Variants in ZNF512 observed in about 807,000 individuals in gnomAD.
The protein encoded by ZNF512 is zinc finger protein 512.
A neutral mutation model predicts 77.5 loss-of-function variants in ZNF512; 25 were observed. The observed-to-expected ratio is 0.32, with a 90% CI of 0.23 to 0.45. The LOEUF is 0.45. Ranked by LOEUF, ZNF512 falls within the 20% of genes least tolerant of loss-of-function variation. ZNF512 has a pLI of 1.00. For synonymous variants in ZNF512, 246 were observed against 239.9 expected (o/e 1.03, Z -0.24); for missense variants, 483 against 692.6 (o/e 0.70, Z 3.40).
intron 2 of ZNF512, among the ~76,000 whole-genome samples, chr2:27,596,752 CAT>C (rs1423586769): frequency 6.6e-6 from 1 of 152,180 alleles, no homozygotes; most frequent in Non-Finnish European, 1.5e-5. Flanking sequence ...TATTGGACCT[CAT>C]GTGTGGAGAG....
In ZNF512 at chr2:27,610,544, G is replaced by GTATATATATATA. The variant is rs1247718248; in HGVS notation, c.1131+2519_1131+2530dup. On this transcript the variant is annotated intron_variant, in intron 10 of 13. Coordinates refer to ENST00000355467, the MANE Select transcript of ZNF512 (RefSeq NM_032434.4). ...TATGTGTGTGTATATATATGTGTGT[G>GTATATATATATA]TATATATATATATATATATATATAT... Among the ~76,000 whole-genome samples the GTATATATATATA allele has an allele frequency of 1.0e-3, 33 of 32,658 alleles. 1 individual carries two copies. Among genetic ancestry groups the GTATATATATATA allele is most frequent in the East Asian group, 9.6e-3 (6 of 628 alleles). The allele number at this position is 32,658 out of a possible 152,430, so 21.4% of individuals were successfully genotyped here. A position where few individuals can be genotyped will look rare whatever the true frequency, so the allele number is the denominator to read the frequency against.
intron 9 of ZNF512, among the ~76,000 whole-genome samples, chr2:27,605,685 A>C (rs1672324726): frequency 6.6e-6 from 1 of 152,054 alleles, no homozygotes; most frequent in Non-Finnish European, 1.5e-5. Context: ...CATGTTGGCC[A>C]GGCTGATCTT....
chr2:27,600,463 C>T (rs1672070171), intron 5 of ZNF512, among the ~76,000 whole-genome samples: 1 of 152,148 alleles, frequency 6.6e-6, no homozygotes, highest in African/African-American at 2.4e-5. Context: ...GCTTTGGAGC[C>T]GTTCTCAGGT....
chr2:27,611,943 C>G (rs538392246), intron 10 of ZNF512, among the ~76,000 whole-genome samples: 4 of 152,138 alleles, frequency 2.6e-5, no homozygotes, highest in African/African-American at 7.2e-5. Context: ...TGATCCACCC[C>G]CTAGAGTGCT....
Position 27,615,264 on chromosome 2 carries a change from A to T in ZNF512, c.1228A>T (p.Asn410Tyr). The T allele has an allele frequency of 6.3e-7, 1 of 1,583,566 alleles. No individual in the cohort carries two copies. The change falls in exon 11 of 14, where the codon AAC becomes TAC. Residue 410 changes from asparagine (N) to tyrosine (Y), a missense_variant. Asn to Tyr is a moderately radical substitution (Grantham distance 143). Coordinates refer to ENST00000355467, the MANE Select transcript of ZNF512 (RefSeq NM_032434.4). ...IKKYHRIQCP[N>Y]QGCEAVYSSV... is the part of the protein sequence containing the mutation. ...GAAATATCATCGTATTCAGTGTCCT[A>T]ACCAGGTGGTTCTTTCTCATTCATT... is the stretch of plus-strand genomic sequence containing the variant.
intron 10 of ZNF512, among the ~76,000 whole-genome samples, chr2:27,608,302 T>C (rs1334578261): frequency 6.6e-6 from 1 of 152,212 alleles, no homozygotes; most frequent in Non-Finnish European, 1.5e-5. Context: ...GATTAGATAT[T>C]TGTGTAATGT....
In ZNF512 at chr2:27,600,743, C is replaced by T. The variant is rs529026548; in HGVS notation, c.510C>T (p.Ser170=). The T allele has an allele frequency of 6.2e-7, 1 of 1,614,010 alleles. No homozygotes were observed. Among genetic ancestry groups the T allele is most frequent in the Admixed American group, 1.7e-5 (1 of 60,006 alleles). Residue 170 remains serine, a synonymous_variant, in exon 6 of 14, where the codon TCC becomes TCT. Coordinates refer to ENST00000355467, the MANE Select transcript of ZNF512 (RefSeq NM_032434.4). Reference sequence around the variant, plus strand: ...AAATCGTTGATAAAGGCAGTGTCTCCTGCCCTACCTGCCAGGCAGTGGGGA... The same window carrying T: ...AAATCGTTGATAAAGGCAGTGTCTCTTGCCCTACCTGCCAGGCAGTGGGGA... ...YLEIVDKGSV[S]CPTCQAVGRK...
At chr2:27,605,265 C>T (rs1299812654) in intron 9 of ZNF512, among the ~76,000 whole-genome samples, 1 of 151,938 alleles carries the variant, frequency 6.6e-6, no homozygotes, top group Non-Finnish European at 1.5e-5. Context: ...ACCAGCTGGG[C>T]AACATGGTGA....
At chr2:27,616,602 A>C (rs1206139279) in intron 12 of ZNF512, among the ~76,000 whole-genome samples, 2 of 152,204 alleles carry the variant, frequency 1.3e-5, no homozygotes, top group Admixed American at 6.5e-5. Flanking sequence ...CTGAATTCTA[A>C]GAGATTCAGC....
At chr2:27,591,867 G>T (rs1263555205) in intron 2 of ZNF512, among the ~76,000 whole-genome samples, 1 of 152,178 alleles carries the variant, frequency 6.6e-6, no homozygotes, top group African/African-American at 2.4e-5. Context: ...CTGCCTTGTG[G>T]CATTCTTGGT....
intron 9 of ZNF512, among the ~76,000 whole-genome samples, chr2:27,606,919 C>G (rs1281764370): frequency 6.6e-6 from 1 of 152,046 alleles, no homozygotes; most frequent in Non-Finnish European, 1.5e-5. Context: ...TGCAGGAGTT[C>G]CTTTCCTTAT....
At position 27,592,464 on chromosome 2, in the gene ZNF512, C is replaced by T. The variant is rs148841988; in HGVS notation, c.90-5603C>T. On this transcript the variant is annotated intron_variant, in intron 2 of 13. Coordinates refer to ENST00000355467, the MANE Select transcript of ZNF512 (RefSeq NM_032434.4). ...CCAAGTAGCTGGGACTACAGGCACC[C>T]GCTACCACACCCAGCTAATTTTTGT... Among the ~76,000 whole-genome samples, 1,481 of 151,526 alleles carry T rather than the reference C, an allele frequency of 9.8e-3. 24 individuals carry two copies. Among genetic ancestry groups the T allele is most frequent in the African/African-American group, 0.033 (1,360 of 41,324 alleles).
rs111282222 is a variant in ZNF512 at position 27,598,434 on chromosome 2, C to T, written c.277+180C>T. Among the ~76,000 whole-genome samples the T allele has an allele frequency of 6.1e-3, 932 of 152,184 alleles. 6 individuals are homozygous for T. The highest frequency in any genetic ancestry group is 0.021 in the African/African-American group (889 of 41,536). ...CACAAGGTCAGGAGATCGAGACCAT[C>T]CTGGCTAACATGGTGAAACCCCGTC... On this transcript the variant is annotated intron_variant, in intron 3 of 13. Coordinates refer to ENST00000355467, the MANE Select transcript of ZNF512 (RefSeq NM_032434.4).
At chr2:27,611,463 C>T (rs1672660233) in intron 10 of ZNF512, among the ~76,000 whole-genome samples, 1 of 152,054 alleles carries the variant, frequency 6.6e-6, no homozygotes, top group Non-Finnish European at 1.5e-5. Flanking sequence ...CATGTTGGCC[C>T]TTCTCCATGT....
intron 2 of ZNF512, among the ~76,000 whole-genome samples, chr2:27,592,229 G>T (rs1441542170): frequency 6.6e-6 from 1 of 152,088 alleles, no homozygotes; most frequent in Non-Finnish European, 1.5e-5. Flanking sequence ...GGGCTCAAGG[G>T]ATCTGCCTGC....
chr2:27,584,865 C>T (rs1029654684), intron 2 of ZNF512, among the ~76,000 whole-genome samples: 1 of 152,044 alleles, frequency 6.6e-6, no homozygotes, highest in Non-Finnish European at 1.5e-5. Context: ...GGACCTGTTA[C>T]GGCATGCTAA....
rs1301497511 is a variant in ZNF512 at position 27,607,876 on chromosome 2, A to G, written c.968A>G (p.Glu323Gly). The G allele has an allele frequency of 1.2e-6, 2 of 1,614,124 alleles. No homozygotes were observed. Among genetic ancestry groups the G allele is most frequent in the Non-Finnish European group, 1.7e-6 (2 of 1,180,016 alleles). ...TTCTTTCCAGAGTCAGGACAGCCAG[A>G]GTGCTTAAAGGAGATGAACCTAGAG... ...ISFFPESGQP[E>G]CLKEMNLESK... The change falls in exon 10 of 14, where the codon GAG (glutamate) becomes GGG (glycine). Residue 323 changes from glutamate to glycine, a missense_variant. Physicochemically the swap from Glu to Gly is moderately conservative, Grantham distance 98. Around this residue, in one of 2 missense-constraint regions of ZNF512, gnomAD observed 324 missense variants for 525.0 expected, o/e 0.62. Transcript: ENST00000355467.
intron 2 of ZNF512, among the ~76,000 whole-genome samples, chr2:27,597,500 A>G (rs978498828): frequency 1.3e-5 from 2 of 152,224 alleles, no homozygotes; most frequent in Non-Finnish European, 2.9e-5. Context: ...TCAGCTGTAT[A>G]CCAGAAATCT....
At chr2:27,620,342 T>C (rs1353147248) in intron 13 of ZNF512, among the ~76,000 whole-genome samples, 14 of 152,234 alleles carry the variant, frequency 9.2e-5, no homozygotes, top group Non-Finnish European at 2.1e-4. Flanking sequence ...GGTGCAAGAC[T>C]AAAAGCTTCC....
Sources: allele counts gnomAD v4.1 joint callset (sites outside exome capture counted in the v4.1 genomes callset), GRCh38; gene constraint gnomAD v4.1.1; regional missense constraint gnomAD v4.1.1; transcripts MANE v1.5; gene names NCBI Gene and HGNC (gene_info 2026-07-23, HGNC 2026-07-21).